HDC: variants seen among roughly 807,000 people sequenced by gnomAD.
HDC encodes histidine decarboxylase.
In HDC, 27 loss-of-function variants were observed where a neutral mutation model predicts 64.4. That is an observed-to-expected ratio of 0.42 (90% CI 0.31 to 0.58). HDC has a LOEUF of 0.58. HDC is among the 20% of genes least tolerant of loss of function. The pLI, the probability that HDC is intolerant of heterozygous loss-of-function variation, is 0.16. For missense variants in HDC, 711 were observed against 833.9 expected (o/e 0.85, Z 1.81); for synonymous variants, 305 against 314.2 (o/e 0.97, Z 0.31).
intron 4 of HDC, among the ~76,000 whole-genome samples, chr15:50,254,923 C>T (rs940363560): frequency 6.6e-6 from 1 of 152,184 alleles, no homozygotes; most frequent in African/African-American, 2.4e-5. Context: ...ATACCAGCCT[C>T]TCTATTACAG....
At chr15:50,260,570 C>A (rs2140941540) in intron 2 of HDC, among the ~76,000 whole-genome samples, 1 of 152,352 alleles carries the variant, frequency 6.6e-6, no homozygotes, top group East Asian at 1.9e-4. Context: ...CTCAGAGAAT[C>A]AAACCTCTTC....
rs1162524971 is a variant in HDC at position 50,257,471 on chromosome 15, T to C, written c.395A>G (p.His132Arg). The C allele has an allele frequency of 6.2e-7, 1 of 1,614,218 alleles. No homozygotes were observed. The highest frequency in any genetic ancestry group is 8.5e-7 in the Non-Finnish European group (1 of 1,180,034). The change falls in exon 4 of 12, where the codon CAC (histidine) becomes CGC (arginine). Residue 132 changes from histidine (H) to arginine (R), a missense_variant. By Grantham distance (29) the His-to-Arg change is conservative (BLOSUM62 0). Around this residue, in one of 3 missense-constraint regions of HDC, gnomAD observed 225 missense variants for 276.2 expected, o/e 0.81. Transcript: ENST00000267845. ...GCTGCTGGGGTGGTGGTGCAAGAAG[T>C]GCTCTGGAAGTCCCAGCATTTTTGC... ...WLAKMLGLPE[H>R]FLHHHPSSQG...
At chr15:50,257,574 T>G in intron 3 of HDC, 27 bp from the exon 4 acceptor site, 1 of 1,613,526 alleles carries the variant, frequency 6.2e-7, no homozygotes, top group South Asian at 1.1e-5. Context: ...AACTTCAAAC[T>G]GCACAGCCCC....
chr15:50,242,507 GTCT>G lies in HDC; in HGVS notation c.1739_1741del (p.Lys580del), dbSNP rs752343455. 15 of 1,614,162 alleles carry G rather than the reference GTCT, an allele frequency of 9.3e-6. No individual in the cohort carries two copies. The highest frequency in any genetic ancestry group is 2.2e-5 in the East Asian group (1 of 44,882). ...ACTGTTGCAACTGAGGGAGCGCACC[GTCT>G]TCTTCTTAGTCTGCACAGACAAGTA... On this transcript the variant is annotated inframe_deletion, in exon 12 of 12. Coordinates refer to ENST00000267845, the MANE Select transcript of HDC (RefSeq NM_002112.4).
intron 3 of HDC, among the ~76,000 whole-genome samples, chr15:50,257,967 C>T (rs1412832222): frequency 8.3e-6 from 1 of 120,438 alleles, no homozygotes; most frequent in Non-Finnish European, 1.6e-5. Flanking sequence ...AGGCTTTTGG[C>T]ACCATTTAAA....
rs149640781 is a variant in HDC at position 50,253,909 on chromosome 15, C to T, written c.720+221G>A. On this transcript the variant is annotated intron_variant, in intron 6 of 11. Coordinates refer to ENST00000267845, the MANE Select transcript of HDC (RefSeq NM_002112.4). ...AATACATACTCTGGCTATATGTGTG[C>T]ACTCTAATATTTTATACTATATTTC... 7.7e-6 allele frequency: 5 copies of T among 646,374 alleles called. No homozygotes were observed. The African/African-American group carries it at 9.1e-5, about 12-fold the overall frequency. The allele number at this position is 646,374 out of a possible 1,614,324, so 40.0% of individuals were successfully genotyped here.
chr15:50,261,275 T>A (rs537270131), intron 2 of HDC, among the ~76,000 whole-genome samples: 1 of 152,356 alleles, frequency 6.6e-6, no homozygotes, highest in South Asian at 2.1e-4. Flanking sequence ...CTTGATCAAA[T>A]GAATCAGCTC....
intron 2 of HDC, among the ~76,000 whole-genome samples, chr15:50,259,827 CTT>C (rs1170623249): frequency 6.6e-6 from 1 of 152,146 alleles, no homozygotes; most frequent in Non-Finnish European, 1.5e-5. Context: ...TCCACACATA[CTT>C]AGAGTCCTTC....
rs755686058 is a variant in HDC, at chr15:50,258,569, T to C, written c.205-52A>G. On this transcript the variant is annotated intron_variant, in intron 2 of 11. Transcript: ENST00000267845. Reference sequence around the variant, plus strand: ...GCACCAGGAGGCATTTCCAGCAGGCTTTCTTTCTCCAGAGACCATCTCTGG... The same window carrying C: ...GCACCAGGAGGCATTTCCAGCAGGCCTTCTTTCTCCAGAGACCATCTCTGG... 3.7e-6 allele frequency: 4 copies of C among 1,077,304 alleles called. No homozygotes were observed. In the African/African-American group the frequency reaches 6.2e-5, roughly 17 times the overall value. 66.7% of individuals were successfully genotyped at this position (1,077,304 alleles called of 1,614,324 possible). A position where few individuals can be genotyped will look rare whatever the true frequency, so the allele number is the denominator to read the frequency against.
At chr15:50,246,911 T>C (rs1240759656) in intron 10 of HDC, among the ~76,000 whole-genome samples, 17 of 152,158 alleles carry the variant, frequency 1.1e-4, no homozygotes, top group Non-Finnish European at 2.4e-4. Context: ...CCAGTGGTGA[T>C]TACAAAGGTA....
intron 5 of HDC, 55 bp from the exon 6 acceptor site, chr15:50,254,328 C>A (rs1259271254): frequency 6.2e-7 from 1 of 1,604,980 alleles, no homozygotes; most frequent in Non-Finnish European, 8.5e-7. Flanking sequence ...TGATCACCCC[C>A]CAGAAACTGC....
At chr15:50,253,120 G>A (rs980870539) in intron 7 of HDC, 1 of 412,790 alleles carries the variant, frequency 2.4e-6, no homozygotes, top group Non-Finnish European at 4.5e-6. Context: ...AAAAGTTAGA[G>A]GGAAGGTATC....
Position 50,248,211 on chromosome 15 carries a change from A to G in HDC, c.1140+34T>C, listed in dbSNP as rs367869415. On this transcript the variant is annotated intron_variant, in intron 10 of 11. Transcript: ENST00000267845. The surrounding 1 kb of genome is among the most constrained non-coding windows in gnomAD (Gnocchi z 4.3). ...CCTCGCCATGAGAAAACAGAGGAACACAGGCTCAGCCCCCACAGCAGCATG... is the reference window on the plus strand; with the variant it reads ...CCTCGCCATGAGAAAACAGAGGAACGCAGGCTCAGCCCCCACAGCAGCATG... 4 of 1,449,342 alleles carry G rather than the reference A, an allele frequency of 2.8e-6. No individual in the cohort carries two copies. The highest frequency in any genetic ancestry group is 3.9e-6 in the Non-Finnish European group (4 of 1,030,390). The allele number at this position is 1,449,342 out of a possible 1,614,324, so 89.8% of individuals were successfully genotyped here.
chr15:50,242,429 C>G lies in HDC; in HGVS notation c.1820G>C (p.Gly607Ala). Residue 607 changes from glycine to alanine, a missense_variant, in exon 12 of 12, where the codon GGG becomes GCG. Physicochemically the swap from Gly to Ala is moderately conservative, Grantham distance 60. Coordinates refer to ENST00000267845, the MANE Select transcript of HDC (RefSeq NM_002112.4). ...AAAGATTCTGACCCTGGAGGAGCCC[C>G]CATTCTTCACAGAGGCCTCTGTGGG... is the stretch of plus-strand genomic sequence containing the variant. Reference protein sequence around the residue: ...PLPTEASVKNGGSSRVRIFSR... With the variant: ...PLPTEASVKNAGSSRVRIFSR... The G allele has an allele frequency of 6.2e-7, 1 of 1,614,156 alleles. No individual in the cohort carries two copies. The highest frequency in any genetic ancestry group is 1.3e-5 in the African/African-American group (1 of 75,030).
chr15:50,253,715 C>T (rs1181326732), intron 6 of HDC, 49 bp from the exon 7 acceptor site: 5 of 1,455,298 alleles, frequency 3.4e-6, no homozygotes, highest in South Asian at 1.1e-5. Flanking sequence ...GCTCGTGTGA[C>T]ACATTTGGCC....
chr15:50,258,494 A>T lies in HDC; in HGVS notation c.228T>A (p.His76Gln). 1.2e-6 allele frequency: 2 copies of T among 1,612,918 alleles called. No individual in the cohort carries two copies. Among genetic ancestry groups the T allele is most frequent in the Non-Finnish European group, 1.7e-6 (2 of 1,179,068 alleles). The stretch of plus-strand genomic sequence containing the variant: ...TGAGGGCTGGGTAGTAGGCGTGCAT[A>T]TGGGGGCTCTGCCAATGTACCACCT... ...MPGVVHWQSP[H>Q]MHAYYPALTS... Residue 76 changes from histidine (H) to glutamine (Q), a missense_variant, in exon 3 of 12, where the codon CAT (histidine) becomes CAA (glutamine). Coordinates refer to ENST00000267845, the MANE Select transcript of HDC (RefSeq NM_002112.4).
chr15:50,255,480 A>G (rs1295293732), intron 4 of HDC, among the ~76,000 whole-genome samples: 1 of 152,184 alleles, frequency 6.6e-6, no homozygotes, highest in Non-Finnish European at 1.5e-5. Flanking sequence ...CCATAAAAAG[A>G]AAGCTATTTA....
At chr15:50,252,588 T>G (rs2140933350) in intron 8 of HDC, 24 bp downstream of exon 8, 1 of 1,614,178 alleles carries the variant, frequency 6.2e-7, no homozygotes, top group Middle Eastern at 1.6e-4. Flanking sequence ...TCCTGCGTGC[T>G]CGGAGCTGGG....
rs1018215568 is a variant in HDC, at chr15:50,263,131, G to C, written c.204+104C>G. The C allele has an allele frequency of 5.2e-6, 6 of 1,158,290 alleles. No homozygotes were observed. The African/African-American group carries it at 7.5e-5, about 15-fold the overall frequency. 71.8% of individuals were successfully genotyped at this position (1,158,290 alleles called of 1,614,324 possible). On this transcript the variant is annotated intron_variant, in intron 2 of 11. Coordinates refer to ENST00000267845, the MANE Select transcript of HDC (RefSeq NM_002112.4). ...GTTGGTGGCCAAGTGGCTGAAGGATGCATTCTCATCCCAAGCTGACCCAAA... is the reference window on the plus strand; with the variant it reads ...GTTGGTGGCCAAGTGGCTGAAGGATCCATTCTCATCCCAAGCTGACCCAAA...
Sources: allele counts gnomAD v4.1 joint callset (sites outside exome capture counted in the v4.1 genomes callset), GRCh38; gene constraint gnomAD v4.1.1; regional missense constraint gnomAD v4.1.1; non-coding constraint Gnocchi (gnomAD v3.1); transcripts MANE v1.5; gene names NCBI Gene and HGNC (gene_info 2026-07-23, HGNC 2026-07-21).